The following RGS7 variants were observed in gnomAD, a reference collection of about 807,000 sequenced individuals.
RGS7 encodes regulator of G protein signaling 7.
In RGS7, 27 loss-of-function variants were observed where a neutral mutation model predicts 81.1. The ratio of observed to expected loss-of-function variants is 0.33; its 90% confidence interval spans 0.25 to 0.46. RGS7 has a LOEUF of 0.46. RGS7 is among the 20% of genes least tolerant of loss of function. The pLI is 1.00. For synonymous variants in RGS7, 208 were observed against 207.7 expected, an observed-to-expected ratio of 1.00 and a Z score of -0.01; for missense variants, 396 against 607.4, an observed-to-expected ratio of 0.65 and a Z score of 3.66.
chr1:240,857,637 C>T (rs1257580577), intron 9 of RGS7, among the ~76,000 whole-genome samples: 2 of 152,100 alleles, frequency 1.3e-5, no homozygotes, highest in Admixed American at 6.5e-5. Context: ...TGATAACTGG[C>T]CTTCTAAGAC....
chr1:241,294,838 A>G (rs373192283), intron 2 of RGS7, among the ~76,000 whole-genome samples: 1 of 151,912 alleles, frequency 6.6e-6, no homozygotes, highest in Non-Finnish European at 1.5e-5. Flanking sequence ...AGGCTATACC[A>G]TAAAGTCCAG....
intron 3 of RGS7, among the ~76,000 whole-genome samples, chr1:241,091,398 A>C (rs921210559): frequency 1.4e-4 from 21 of 151,764 alleles, no homozygotes; most frequent in Non-Finnish European, 2.1e-4. Flanking sequence ...AATACAAAAA[A>C]TTAGCCAAAT....
intron 2 of RGS7, among the ~76,000 whole-genome samples, chr1:241,238,594 G>A (rs1042002022): frequency 1.2e-4 from 19 of 152,066 alleles, no homozygotes; most frequent in African/African-American, 4.3e-4. Flanking sequence ...GAGTGCAGTG[G>A]TACAATTATA....
intron 3 of RGS7, among the ~76,000 whole-genome samples, chr1:240,988,650 T>C (rs547867445): frequency 7.9e-5 from 12 of 152,316 alleles, no homozygotes; most frequent in Admixed American, 1.3e-4. Context: ...CATTGTCACA[T>C]CTGAGGGTTC....
chr1:240,856,049 ATTGT>A (rs1425522351), intron 9 of RGS7, among the ~76,000 whole-genome samples: 1 of 152,124 alleles, frequency 6.6e-6, no homozygotes, highest in Non-Finnish European at 1.5e-5. Flanking sequence ...ATATTTCTGA[ATTGT>A]TTAATTATTT....
intron 2 of RGS7, among the ~76,000 whole-genome samples, chr1:241,291,589 C>CTTTTTTTTTTTTTTTTTTTTT (rs1237514486): frequency 2.5e-5 from 1 of 40,802 alleles, no homozygotes; most frequent in African/African-American, 9.1e-5. Flanking sequence ...TTTTTTTTTG[C>CTTTTTTTTTTTTTTTTTTTTT]TTTTTTGAGA....
At chr1:240,908,624 T>C (rs1671241802) in intron 6 of RGS7, among the ~76,000 whole-genome samples, 2 of 152,158 alleles carry the variant, frequency 1.3e-5, no homozygotes, top group Non-Finnish European at 2.9e-5. Flanking sequence ...CCACCTAAGA[T>C]AGAAGGCAAC....
intron 4 of RGS7, among the ~76,000 whole-genome samples, chr1:240,955,224 T>C (rs909651079): frequency 3.9e-5 from 6 of 151,960 alleles, no homozygotes; most frequent in Non-Finnish European, 7.4e-5. Flanking sequence ...TTAAAGATAC[T>C]GAAAAAATGA....
At chr1:240,969,671 G>T (rs1682887235) in intron 4 of RGS7, among the ~76,000 whole-genome samples, 1 of 152,202 alleles carries the variant, frequency 6.6e-6, no homozygotes, top group South Asian at 2.1e-4. Context: ...TCTGGGACTG[G>T]CATTTATAGA....
At chr1:241,067,896 T>G (rs2062163463) in intron 3 of RGS7, among the ~76,000 whole-genome samples, 1 of 151,986 alleles carries the variant, frequency 6.6e-6, no homozygotes, top group Admixed American at 6.6e-5. Context: ...CAATAAAAAT[T>G]TATGTTTTCT....
intron 3 of RGS7, among the ~76,000 whole-genome samples, chr1:241,024,132 C>A (rs1040424268): frequency 6.6e-6 from 1 of 152,176 alleles, no homozygotes; most frequent in Non-Finnish European, 1.5e-5. Context: ...AGGACTGTAA[C>A]CCAGGCCACC....
At chr1:241,160,770 G>T (rs2069584398) in intron 2 of RGS7, among the ~76,000 whole-genome samples, 1 of 152,158 alleles carries the variant, frequency 6.6e-6, no homozygotes, top group South Asian at 2.1e-4. Flanking sequence ...GGAAGAAGCT[G>T]CAAATTTTGG....
At chr1:241,232,011 G>A (rs1292362011) in intron 2 of RGS7, among the ~76,000 whole-genome samples, 1 of 152,120 alleles carries the variant, frequency 6.6e-6, no homozygotes. Context: ...TATAGTGTAA[G>A]GTAAGGATTT....
At chr1:240,856,974 T>C (rs1022494753) in intron 9 of RGS7, among the ~76,000 whole-genome samples, 1 of 152,120 alleles carries the variant, frequency 6.6e-6, no homozygotes, top group Non-Finnish European at 1.5e-5. Flanking sequence ...AACCAATACA[T>C]GGGCTTTGTA....
At chr1:240,938,494 A>G (rs184219967) in intron 4 of RGS7, among the ~76,000 whole-genome samples, 128 of 152,306 alleles carry the variant, frequency 8.4e-4, no homozygotes, top group African/African-American at 2.9e-3. Flanking sequence ...GCAAAGCATA[A>G]GAATCCCATC....
intron 3 of RGS7, among the ~76,000 whole-genome samples, chr1:241,079,092 C>G (rs2062989487): frequency 6.6e-6 from 1 of 152,166 alleles, no homozygotes; most frequent in Non-Finnish European, 1.5e-5. Flanking sequence ...TGAAATGCGT[C>G]TAAGCTAGTA....
chr1:240,920,064 G>C (rs1276352808), intron 6 of RGS7: 2 of 990,732 alleles, frequency 2.0e-6, no homozygotes, highest in African/African-American at 3.2e-5. Flanking sequence ...AATCATGACT[G>C]ATTGAGGCAA....
chr1:240,975,569 A>G (rs939282479), intron 4 of RGS7, among the ~76,000 whole-genome samples: 1 of 152,058 alleles, frequency 6.6e-6, no homozygotes, highest in Non-Finnish European at 1.5e-5. Context: ...AGTCAGGATG[A>G]CTCTTACAGT....
intron 3 of RGS7, among the ~76,000 whole-genome samples, chr1:241,044,390 A>G (rs1199159361): frequency 1.3e-5 from 2 of 151,948 alleles, no homozygotes; most frequent in African/African-American, 4.8e-5. Context: ...GAATACAGGC[A>G]TGAGCTACCG....
Sources: allele counts gnomAD v4.1 joint callset (sites outside exome capture counted in the v4.1 genomes callset), GRCh38; gene constraint gnomAD v4.1.1; transcripts MANE v1.5; gene names NCBI Gene and HGNC (gene_info 2026-07-23, HGNC 2026-07-21).